DNAH10: variants seen among roughly 807,000 people sequenced by gnomAD.
DNAH10 encodes axonemal beta dynein heavy chain 10.
A neutral mutation model predicts 506.6 loss-of-function variants in DNAH10; 348 were observed. That is an observed-to-expected ratio of 0.69 (90% CI 0.63 to 0.75). The LOEUF is 0.75. DNAH10 is among the 30% of genes least tolerant of loss of function. DNAH10 has a pLI of 0.00. For synonymous variants in DNAH10, 2,059 were observed against 2,198.6 expected (o/e 0.94, Z 1.78); for missense variants, 5,179 against 5,787.1 (o/e 0.89, Z 3.41).
chr12:123,803,668 T>G lies in DNAH10; in HGVS notation c.2622T>G (p.Gly874=). The G allele has an allele frequency of 6.4e-7, 1 of 1,567,684 alleles. No homozygotes were observed. The highest frequency in any genetic ancestry group is 1.2e-5 in the South Asian group (1 of 82,680). Reference sequence around the variant, plus strand: ...TTCTTTCTTTCTTCAAAGGTATCGGTGACTATATAACTGGTTGCAAACAGG... The same window carrying G: ...TTCTTTCTTTCTTCAAAGGTATCGGGGACTATATAACTGGTTGCAAACAGG... ...KRLNWNSLGI[G]DYITGCKQAI... Residue 874 remains glycine (G), a synonymous_variant, in exon 17 of 79, where the codon GGT becomes GGG. Transcript: ENST00000673944.
chr12:123,900,507 A>G (rs897229778), intron 56 of DNAH10, among the ~76,000 whole-genome samples: 5 of 152,080 alleles, frequency 3.3e-5, no homozygotes, highest in Non-Finnish European at 7.4e-5. Flanking sequence ...TATTTGCCAC[A>G]CCTGTGTTTA....
chr12:123,848,194 G>C (rs1351448447), intron 33 of DNAH10, 99 bp downstream of exon 33: 4 of 1,496,734 alleles, frequency 2.7e-6, no homozygotes, highest in African/African-American at 1.4e-5. Flanking sequence ...GGCGACAGTG[G>C]AAGAAGCTAG....
chr12:123,934,600 GTC>G lies in DNAH10; in HGVS notation c.13478-17_13478-16del, dbSNP rs764578820. The G allele has an allele frequency of 2.5e-6, 4 of 1,612,350 alleles. No homozygotes were observed. The African/African-American group carries it at 5.3e-5, about 22-fold the overall frequency. On this transcript the variant is annotated intron_variant, in intron 77 of 78. Coordinates refer to ENST00000673944, the MANE Select transcript of DNAH10 (RefSeq NM_001372106.1). ...GCTGTGCATGCTCCAGTTGTATCCA[GTC>G]TCTGCCTTGTGTCCCTAGGATGCTT...
chr12:123,913,087 T>A lies in DNAH10; in HGVS notation c.10135-11T>A, dbSNP rs1481246223. ...CTTTTCCCCATCTTTTTGCAAATTG[T>A]CTTCACTTAGGTGGCCAGGCTGGAG... On this transcript the variant is annotated splice_polypyrimidine_tract_variant and intron_variant, in intron 59 of 78. Coordinates refer to ENST00000673944, the MANE Select transcript of DNAH10 (RefSeq NM_001372106.1). The surrounding 1 kb of genome is among the most constrained non-coding windows in gnomAD (Gnocchi z 5.1). 2 of 1,600,194 alleles carry A rather than the reference T, an allele frequency of 1.2e-6. No homozygotes were observed. The highest frequency in any genetic ancestry group is 3.4e-5 in the Admixed American group (2 of 58,152).
chr12:123,929,157 G>A (rs1356631031), intron 70 of DNAH10, 118 bp from the exon 71 acceptor site: 3 of 1,019,946 alleles, frequency 2.9e-6, no homozygotes, highest in East Asian at 2.6e-5. Context: ...AGCTATTGGA[G>A]GTCTCAGACA....
rs758392467 is a variant in DNAH10, at chr12:123,913,383, A to C, written c.10352+68A>C. 1 of 1,448,810 alleles carries C rather than the reference A, an allele frequency of 6.9e-7. No homozygotes were observed. The highest frequency in any genetic ancestry group is 9.2e-7 in the Non-Finnish European group (1 of 1,083,192). The allele number at this position is 1,448,810 out of a possible 1,614,324, so 89.7% of individuals were successfully genotyped here. A position where few individuals can be genotyped will look rare whatever the true frequency, so the allele number is the denominator to read the frequency against. On this transcript the variant is annotated intron_variant, in intron 60 of 78. Coordinates refer to ENST00000673944, the MANE Select transcript of DNAH10 (RefSeq NM_001372106.1). The surrounding 1 kb of genome is among the most constrained non-coding windows in gnomAD (Gnocchi z 5.1). ...GACGTCACCCACAGAGTTTCTCGCC[A>C]TGTTGATTCTTTATCTCACGTTGTG...
At position 123,819,267 on chromosome 12, in the gene DNAH10, T is replaced by C; in HGVS notation, c.4000+17T>C. 6.3e-7 allele frequency: 1 copy of C among 1,591,456 alleles called. No homozygotes were observed. Among genetic ancestry groups the C allele is most frequent in the Non-Finnish European group, 8.6e-7 (1 of 1,162,938 alleles). On this transcript the variant is annotated intron_variant, in intron 23 of 78. Coordinates refer to ENST00000673944, the MANE Select transcript of DNAH10 (RefSeq NM_001372106.1). ...TTGATAAAGGTAAGAATGTTCCTGT[T>C]GGTCTTACTGAGCGATCTGAGTAGC... is the stretch of plus-strand genomic sequence containing the variant.
intron 23 of DNAH10, among the ~76,000 whole-genome samples, chr12:123,820,047 A>G (rs747966414): frequency 2.0e-5 from 3 of 152,168 alleles, no homozygotes; most frequent in Non-Finnish European, 4.4e-5. Context: ...ATACCATGAG[A>G]CAAAAAAAAT....
chr12:123,846,169 G>A lies in DNAH10; in HGVS notation c.5814+15G>A. On this transcript the variant is annotated intron_variant, in intron 32 of 78. Transcript: ENST00000673944. This position sits in a 1 kb window ranked among gnomAD's most constrained non-coding sequence, Gnocchi z 4.5. ...CGCTCACCCAGGTGACTGCCAGCCTGGCACTTGTGGTTACCACTTACCTTG... is the reference window on the plus strand; with the variant it reads ...CGCTCACCCAGGTGACTGCCAGCCTAGCACTTGTGGTTACCACTTACCTTG... 1.2e-6 allele frequency: 2 copies of A among 1,605,820 alleles called. No homozygotes were observed. The highest frequency in any genetic ancestry group is 1.7e-6 in the Non-Finnish European group (2 of 1,175,242).
chr12:123,929,458 T>A lies in DNAH10; in HGVS notation c.12490T>A (p.Tyr4164Asn). The A allele has an allele frequency of 6.2e-7, 1 of 1,613,598 alleles. No homozygotes were observed. The highest frequency in any genetic ancestry group is 1.1e-5 in the South Asian group (1 of 90,866). ...TGGGAAGATTGGCTGGAACGTGTACTATGACTTCAATGAGTCTGACTTCCA... is the reference window on the plus strand; with the variant it reads ...TGGGAAGATTGGCTGGAACGTGTACAATGACTTCAATGAGTCTGACTTCCA... Reference protein sequence around the residue: ...KFGKIGWNVYYDFNESDFQVC... With the variant: ...KFGKIGWNVYNDFNESDFQVC... Residue 4164 changes from tyrosine (Y) to asparagine (N), a missense_variant, in exon 71 of 79, where the codon TAT becomes AAT. Tyr to Asn is a moderately radical substitution (Grantham distance 143, BLOSUM62 -2). Transcript: ENST00000673944.
Position 123,924,197 on chromosome 12 carries a change from A to G in DNAH10, c.11612-81A>G, listed in dbSNP as rs568001078. The G allele has an allele frequency of 8.7e-5, 129 of 1,474,868 alleles. 1 individual carries two copies. In the South Asian group the frequency reaches 1.6e-3, roughly 19 times the overall value. 91.4% of individuals were successfully genotyped at this position (1,474,868 alleles called of 1,614,324 possible). ...CTTCTTGAAAAGTGGACTTTTCCCA[A>G]AAGTGGGAGAAGTCGAAGCAGAGTT... On this transcript the variant is annotated intron_variant, in intron 66 of 78. Coordinates refer to ENST00000673944, the MANE Select transcript of DNAH10 (RefSeq NM_001372106.1).
Position 123,881,659 on chromosome 12 carries a change from A to C in DNAH10, c.8669A>C (p.Lys2890Thr). The part of the protein sequence containing the change: ...ILEEYNESNT[K>T]MNLVLFDDAL... The stretch of plus-strand genomic sequence containing the variant: ...GAAGAGTATAATGAAAGCAACACCA[A>C]AATGAACTTGGTTCTCTTCGACGAT... Residue 2890 changes from lysine to threonine, a missense_variant, in exon 51 of 79, where the codon AAA (lysine) becomes ACA (threonine). Physicochemically the swap from Lys to Thr is moderately conservative, Grantham distance 78. This residue lies in a region of DNAH10 where 4,844 missense variants were observed against 5,430.5 expected (regional missense o/e 0.89). Coordinates refer to ENST00000673944, the MANE Select transcript of DNAH10 (RefSeq NM_001372106.1). 1 of 1,542,130 alleles carries C rather than the reference A, an allele frequency of 6.5e-7. No individual in the cohort carries two copies.
At chr12:123,929,614 G>C in intron 71 of DNAH10, 50 bp from the exon 72 acceptor site, 1 of 1,586,100 alleles carries the variant, frequency 6.3e-7, no homozygotes, top group African/African-American at 1.3e-5. Context: ...ATCAGAATGT[G>C]AACAGCTTGG....
At position 123,903,095 on chromosome 12, in the gene DNAH10, C is replaced by T. The variant is rs372540932; in HGVS notation, c.9797C>T (p.Ser3266Leu). ...AKLELQKLDK[S>L]DVTEIRSFAK... ...CTGGAACTGCAGAAGCTGGACAAGTCGGACGTGACTGAGATTAGGTAATGC... is the reference window on the plus strand; with the variant it reads ...CTGGAACTGCAGAAGCTGGACAAGTTGGACGTGACTGAGATTAGGTAATGC... Residue 3266 changes from serine (S) to leucine (L), a missense_variant, in exon 57 of 79, where the codon TCG (serine) becomes TTG (leucine). Around this residue, in one of 3 missense-constraint regions of DNAH10, gnomAD observed 4,844 missense variants for 5,430.5 expected, o/e 0.89. Transcript: ENST00000673944. The surrounding 1 kb of genome is among the most constrained non-coding windows in gnomAD (Gnocchi z 4.6). 76 of 1,610,740 alleles carry T rather than the reference C, an allele frequency of 4.7e-5. No homozygotes were observed. Among genetic ancestry groups the T allele is most frequent in the African/African-American group, 2.0e-4 (15 of 74,834 alleles).
intron 24 of DNAH10, 93 bp downstream of exon 24, chr12:123,820,851 T>C (rs973185665): frequency 1.4e-5 from 19 of 1,406,746 alleles, no homozygotes; most frequent in Middle Eastern, 3.8e-4. Flanking sequence ...ACCATAATAA[T>C]GAGCTTGGGT....
intron 40 of DNAH10, among the ~76,000 whole-genome samples, 157 bp downstream of exon 40, chr12:123,864,887 A>G (rs1171481845): frequency 6.6e-6 from 1 of 152,218 alleles, no homozygotes; most frequent in Non-Finnish European, 1.5e-5. Flanking sequence ...TACTCCTCTC[A>G]TCCCTCTTTA....
At chr12:123,802,549 ATCCGCCT>A (rs1230669269) in intron 16 of DNAH10, among the ~76,000 whole-genome samples, 2 of 152,132 alleles carry the variant, frequency 1.3e-5, no homozygotes, top group Non-Finnish European at 2.9e-5. Flanking sequence ...CAAGTGATCC[ATCCGCCT>A]TGGCCTTTCA....
chr12:123,843,209 A>T (rs1950831417), intron 30 of DNAH10, among the ~76,000 whole-genome samples: 1 of 152,200 alleles, frequency 6.6e-6, no homozygotes, highest in African/African-American at 2.4e-5. Flanking sequence ...GTTGCTTCCA[A>T]CAGGGAGAAT....
Position 123,866,039 on chromosome 12 carries a change from A to G in DNAH10, c.7133A>G (p.Tyr2378Cys). 1 of 1,610,704 alleles carries G rather than the reference A, an allele frequency of 6.2e-7. No individual in the cohort carries two copies. The highest frequency in any genetic ancestry group is 2.2e-5 in the East Asian group (1 of 44,774). ...VDPKNLKYRP[Y>C]WKKWVNQIPN... ...CCTAAAAACTTGAAATATCGACCAT[A>G]CTGGAAAAAATGGGTTAATCAAATA... The change falls in exon 41 of 79, where the codon TAC becomes TGC. Residue 2378 changes from tyrosine (Y) to cysteine (C), a missense_variant. By Grantham distance (194) the Tyr-to-Cys change is radical (BLOSUM62 -2). This residue lies in a region of DNAH10 where 4,844 missense variants were observed against 5,430.5 expected (regional missense o/e 0.89). Transcript: ENST00000673944.
Sources: gnomAD v4.1 joint callset for allele counts (sites outside exome capture counted in the v4.1 genomes callset) on GRCh38, gnomAD v4.1.1 for gene constraint, gnomAD v4.1.1 regional missense constraint, Gnocchi (gnomAD v3.1) non-coding constraint, MANE v1.5 for transcripts, NCBI Gene and HGNC (gene_info 2026-07-23, HGNC 2026-07-21) for gene names.